Variants in RIT2 observed in about 807,000 individuals in gnomAD.
RIT2 encodes the protein Ras like without CAAX 2, also known as GTP-binding protein Rit2.
In RIT2, 24 loss-of-function variants were observed where a neutral mutation model predicts 23.7. That is an observed-to-expected ratio of 1.01 (90% confidence interval 0.73 to 1.43). RIT2 has a LOEUF of 1.43. Among genes scored for constraint, RIT2 ranks in the 40% most tolerant of loss-of-function variants. RIT2 has a pLI of 0.00. For synonymous variants in RIT2, 107 were observed against 91.1 expected (o/e 1.17, Z -0.99); for missense variants, 236 against 266.9 (o/e 0.88, Z 0.81).
chr18:43,000,818 C>A lies in RIT2; in HGVS notation c.161-26671G>T, dbSNP rs148113117. ...CATGTGGAACTGTGAGTCAATTAAGCCTTTCTCCTTTAAAAATTACCCAGT... is the reference window on the plus strand; with the variant it reads ...CATGTGGAACTGTGAGTCAATTAAGACTTTCTCCTTTAAAAATTACCCAGT... On this transcript the variant is annotated intron_variant, in intron 2 of 4. Coordinates refer to ENST00000326695, the MANE Select transcript of RIT2 (RefSeq NM_002930.4). Among the ~76,000 whole-genome samples, 287 of 152,034 alleles carry A rather than the reference C, an allele frequency of 1.9e-3. 1 individual carries two copies. The highest frequency in any genetic ancestry group is 6.3e-3 in the African/African-American group (262 of 41,486).
At chr18:42,919,668 T>C (rs945306836) in intron 4 of RIT2, among the ~76,000 whole-genome samples, 5 of 151,754 alleles carry the variant, frequency 3.3e-5, no homozygotes, top group African/African-American at 1.2e-4. Flanking sequence ...GAGTGGAGAT[T>C]GTACCACTGC....
At chr18:42,841,055 T>C (rs1906754684) in intron 4 of RIT2, among the ~76,000 whole-genome samples, 1 of 152,138 alleles carries the variant, frequency 6.6e-6, no homozygotes, top group South Asian at 2.1e-4. Context: ...AGGCAGAAAT[T>C]GGTACCTAAG....
chr18:42,931,469 C>T lies in RIT2; in HGVS notation c.235-7706G>A, dbSNP rs541670319. Among the ~76,000 whole-genome samples, 19 of 152,244 alleles carry T rather than the reference C, an allele frequency of 1.2e-4. No homozygotes were observed. The East Asian group carries it at 3.1e-3, about 25-fold the overall frequency. The stretch of plus-strand genomic sequence containing the variant: ...TCTCTAGCATTAGTCATTTGTCTTA[C>T]ACTAAGAAGGGAGGAGGAAAGAGGA... On this transcript the variant is annotated intron_variant, in intron 3 of 4. Coordinates refer to ENST00000326695, the MANE Select transcript of RIT2 (RefSeq NM_002930.4).
chr18:42,906,019 TATGTATATATATATATACATATATATATC>T, intron 4 of RIT2, among the ~76,000 whole-genome samples: 2 of 129,016 alleles, frequency 1.6e-5, no homozygotes, highest in African/African-American at 6.9e-5. Context: ...TATATATATA[TATGTATATATATATATACATATATATATC>T]TGCTTATACA....
At position 43,087,333 on chromosome 18, in the gene RIT2, A is replaced by G. The variant is rs149843998; in HGVS notation, c.103+28084T>C. Among the ~76,000 whole-genome samples, 666 of 152,268 alleles carry G rather than the reference A, an allele frequency of 4.4e-3. 6 individuals carry two copies. The highest frequency in any genetic ancestry group is 0.014 in the African/African-American group (578 of 41,560). On this transcript the variant is annotated intron_variant, in intron 1 of 4. Transcript: ENST00000326695. ...AAGAGATAAGATCTTAAAAATAACC[A>G]TAATAACACGTGGATGTGTTCCAAT...
chr18:43,081,130 T>C (rs1913147951), intron 1 of RIT2, among the ~76,000 whole-genome samples: 1 of 152,178 alleles, frequency 6.6e-6, no homozygotes, highest in African/African-American at 2.4e-5. Flanking sequence ...ATTGATATAC[T>C]AATTACACAT....
chr18:42,890,817 A>G (rs961358134), intron 4 of RIT2, among the ~76,000 whole-genome samples: 1 of 152,110 alleles, frequency 6.6e-6, no homozygotes, highest in African/African-American at 2.4e-5. Flanking sequence ...AAATCAACTT[A>G]CCTCTGCCTT....
intron 2 of RIT2, among the ~76,000 whole-genome samples, chr18:42,977,579 T>C (rs966865179): frequency 2.6e-5 from 4 of 151,872 alleles, no homozygotes; most frequent in Admixed American, 1.3e-4. Context: ...CAAATCAGAT[T>C]ATTGCTAGCT....
At chr18:42,973,047 A>C (rs1910398016) in intron 3 of RIT2, among the ~76,000 whole-genome samples, 1 of 151,832 alleles carries the variant, frequency 6.6e-6, no homozygotes, top group Non-Finnish European at 1.5e-5. Context: ...CTTTTGCATA[A>C]CATCTATTTG....
rs1177441499 is a variant in RIT2 at position 43,018,867 on chromosome 18, C to T, written c.160+14944G>A. Among the ~76,000 whole-genome samples the T allele has an allele frequency of 2.0e-5, 3 of 151,746 alleles. No individual in the cohort carries two copies. The East Asian group carries it at 5.8e-4, about 30-fold the overall frequency. On this transcript the variant is annotated intron_variant, in intron 2 of 4. Coordinates refer to ENST00000326695, the MANE Select transcript of RIT2 (RefSeq NM_002930.4). ...ATCATGAAAATACAAAAGTATAAAT[C>T]ACTGGTAGAGTAAATACATAAATAA...
At chr18:42,941,539 T>A (rs1909599691) in intron 3 of RIT2, among the ~76,000 whole-genome samples, 1 of 152,060 alleles carries the variant, frequency 6.6e-6, no homozygotes, top group African/African-American at 2.4e-5. Context: ...TGCAAATAAA[T>A]CCAGAATAAT....
intron 4 of RIT2, among the ~76,000 whole-genome samples, chr18:42,918,645 C>G (rs1394189822): frequency 6.6e-6 from 1 of 152,004 alleles, no homozygotes; most frequent in East Asian, 1.9e-4. Context: ...ATCCAATATG[C>G]TCTGCTACAT....
intron 2 of RIT2, among the ~76,000 whole-genome samples, chr18:42,976,239 A>C (rs552354799): frequency 1.3e-5 from 2 of 152,180 alleles, no homozygotes; most frequent in East Asian, 3.9e-4. Context: ...GGGTTAAGAG[A>C]AAGTGAAGCA....
At chr18:42,908,519 C>A (rs1349963951) in intron 4 of RIT2, among the ~76,000 whole-genome samples, 1 of 152,068 alleles carries the variant, frequency 6.6e-6, no homozygotes, top group Non-Finnish European at 1.5e-5. Context: ...AAACTAAACC[C>A]AAAGAATAAA....
At position 42,985,939 on chromosome 18, in the gene RIT2, C is replaced by T. The variant is rs527842552; in HGVS notation, c.161-11792G>A. ...ATTAAAAACAAAAAACATTGTTCAT[C>T]GAAAGTTTTTAATATGAGAATGAAA... is the stretch of plus-strand genomic sequence containing the variant. On this transcript the variant is annotated intron_variant, in intron 2 of 4. Coordinates refer to ENST00000326695, the MANE Select transcript of RIT2 (RefSeq NM_002930.4). 6.6e-5 allele frequency among the ~76,000 whole-genome samples: 10 copies of T among 151,226 alleles called. No individual in the cohort carries two copies. The East Asian group carries it at 1.7e-3, about 26-fold the overall frequency.
At chr18:43,057,537 T>C (rs1370579727) in intron 1 of RIT2, among the ~76,000 whole-genome samples, 1 of 152,148 alleles carries the variant, frequency 6.6e-6, no homozygotes, top group Non-Finnish European at 1.5e-5. Context: ...ACAAACGAAC[T>C]AGGAATATTA....
rs576950701 is a variant in RIT2, at chr18:42,967,108, A to C, written c.234+6966T>G. ...CTAATGTTTAGAATTAGGGAAGAAA[A>C]AACTTTTTGTGAAAAATATCATAAA... On this transcript the variant is annotated intron_variant, in intron 3 of 4. Coordinates refer to ENST00000326695, the MANE Select transcript of RIT2 (RefSeq NM_002930.4). Among the ~76,000 whole-genome samples, 19 of 152,180 alleles carry C rather than the reference A, an allele frequency of 1.2e-4. No homozygotes were observed. The South Asian group carries it at 3.7e-3, about 30-fold the overall frequency.
At chr18:42,993,437 C>A (rs1003435900) in intron 2 of RIT2, among the ~76,000 whole-genome samples, 2 of 152,126 alleles carry the variant, frequency 1.3e-5, no homozygotes, top group Non-Finnish European at 2.9e-5. Flanking sequence ...GTAAGTCCGT[C>A]CCCTTCTAAA....
At position 42,887,600 on chromosome 18, in the gene RIT2, G is replaced by T. The variant is rs546319075; in HGVS notation, c.426+35972C>A. Among the ~76,000 whole-genome samples, 4 of 152,262 alleles carry T rather than the reference G, an allele frequency of 2.6e-5. No homozygotes were observed. The South Asian group carries it at 8.3e-4, about 32-fold the overall frequency. On this transcript the variant is annotated intron_variant, in intron 4 of 4. Coordinates refer to ENST00000326695, the MANE Select transcript of RIT2 (RefSeq NM_002930.4). ...GTACAGTCACTTTGGAAAACAGTTA[G>T]GCAGTCTCCTATGAAGTTAAGCATA...
Sources: gnomAD v4.1 joint callset for allele counts (sites outside exome capture counted in the v4.1 genomes callset) on GRCh38, gnomAD v4.1.1 for gene constraint, MANE v1.5 for transcripts, NCBI Gene and HGNC (gene_info 2026-07-23, HGNC 2026-07-21) for gene names.